Variants in CLCN2 observed in about 807,000 individuals in gnomAD.
The protein encoded by CLCN2 is chloride channel protein 2.
A neutral mutation model predicts 108.3 loss-of-function variants in CLCN2; 72 were observed. The ratio of observed to expected loss-of-function variants is 0.66; its 90% confidence interval spans 0.55 to 0.81. CLCN2 has a LOEUF of 0.81. Ranked by LOEUF, CLCN2 falls within the 30% of genes least tolerant of loss-of-function variation. The pLI is 0.00. For synonymous variants in CLCN2, 471 were observed against 467.1 expected (o/e 1.01, Z -0.11); for missense variants, 1,048 against 1,205.2 (o/e 0.87, Z 1.93).
intron 13 of CLCN2, 44 bp from the exon 14 acceptor site, chr3:184,354,702 A>AGGGGGGGGGGG: frequency 1.1e-6 from 1 of 885,342 alleles, no homozygotes; most frequent in Non-Finnish European, 1.6e-6. Flanking sequence ...GTGGAGGGGG[A>AGGGGGGGGGGG]GGGCAGGGGG....
At chr3:184,357,753 C>A (rs1272749624) in intron 6 of CLCN2, 26 bp downstream of exon 6, 3 of 1,613,800 alleles carry the variant, frequency 1.9e-6, no homozygotes, top group South Asian at 2.2e-5. Context: ...GCCTCTGCCC[C>A]CTACTTGCCC....
rs372387452 is a variant in CLCN2 at position 184,353,122 on chromosome 3, G to T, written c.2054C>A (p.Pro685Gln). 3.3e-5 allele frequency: 54 copies of T among 1,614,190 alleles called. No individual in the cohort carries two copies. Among genetic ancestry groups the T allele is most frequent in the Middle Eastern group, 3.3e-4 (2 of 6,062 alleles). The change falls in exon 18 of 24, where the codon CCA becomes CAA. Residue 685 changes from proline to glutamine, a missense_variant. By Grantham distance (76) the Pro-to-Gln change is moderately conservative. Transcript: ENST00000265593. The stretch of plus-strand genomic sequence containing the variant: ...CTTGTGGGTCTCCCCCCGGGCTGCT[G>T]GGAAGGCTGAGTCTTCTGTGTTCAC... Reference protein sequence around the residue: ...FQVNTEDSAFPAARGETHKPL... With the variant: ...FQVNTEDSAFQAARGETHKPL...
At chr3:184,358,903 C>T (rs1560267488) in intron 2 of CLCN2, 72 bp downstream of exon 2, 2 of 1,613,040 alleles carry the variant, frequency 1.2e-6, no homozygotes, top group Admixed American at 3.3e-5. Context: ...TCTCCCCCAT[C>T]AGCAGCTCTA....
intron 16 of CLCN2, 102 bp from the exon 17 acceptor site, chr3:184,353,524 CCA>C: frequency 6.5e-7 from 1 of 1,544,204 alleles, no homozygotes. Flanking sequence ...AGGCCACACA[CCA>C]GAGGGAAGCC....
chr3:184,352,797 C>T lies in CLCN2; in HGVS notation c.2157G>A (p.Ser719=), dbSNP rs201410118. The T allele has an allele frequency of 9.4e-5, 152 of 1,613,104 alleles. No homozygotes were observed. Among genetic ancestry groups the T allele is most frequent in the Non-Finnish European group, 1.1e-4 (132 of 1,180,008 alleles). The change falls in exon 19 of 24, where the codon TCG becomes TCA. Residue 719 remains serine, a synonymous_variant. Transcript: ENST00000265593. ...AGAGGCTCCGGAGGGCGATGCCTGCCGACTCTGCGCTCCCTGTGTTCCCAA... is the reference window on the plus strand; with the variant it reads ...AGAGGCTCCGGAGGGCGATGCCTGCTGACTCTGCGCTCCCTGTGTTCCCAA... ...LGESPTGSAE[S]AGIALRSLFC... is the part of the protein sequence containing the mutation.
In CLCN2 at chr3:184,346,925, A is replaced by T. The variant is rs1727717872; in HGVS notation, c.2502+10T>A. 1 of 1,613,318 alleles carries T rather than the reference A, an allele frequency of 6.2e-7. No homozygotes were observed. Among genetic ancestry groups the T allele is most frequent in the Non-Finnish European group, 8.5e-7 (1 of 1,179,218 alleles). On this transcript the variant is annotated intron_variant, in intron 23 of 23. Coordinates refer to ENST00000265593, the MANE Select transcript of CLCN2 (RefSeq NM_004366.6). The surrounding 1 kb of genome is among the most constrained non-coding windows in gnomAD (Gnocchi z 6.0). ...AAGTGGAGCAGCTTTGGAGGCCACCATCACCTCACCTCCTTTAGAGTAACG... is the reference window on the plus strand; with the variant it reads ...AAGTGGAGCAGCTTTGGAGGCCACCTTCACCTCACCTCCTTTAGAGTAACG...
intron 22 of CLCN2, among the ~76,000 whole-genome samples, 189 bp downstream of exon 22, chr3:184,351,824 C>T (rs1178422209): frequency 6.6e-6 from 1 of 152,156 alleles, no homozygotes; most frequent in African/African-American, 2.4e-5. Context: ...GGCTCCACCA[C>T]AGAGCAGGAG....
At chr3:184,354,077 C>A (rs201085080) in intron 15 of CLCN2, 24 bp downstream of exon 15, 2 of 1,607,990 alleles carry the variant, frequency 1.2e-6, no homozygotes, top group East Asian at 4.5e-5. Context: ...ACCCACAGCC[C>A]CCTTGGCACC....
At chr3:184,351,991 T>C in intron 22 of CLCN2, 22 bp downstream of exon 22, 1 of 1,566,694 alleles carries the variant, frequency 6.4e-7, no homozygotes, top group Non-Finnish European at 8.8e-7. Flanking sequence ...AGACCAGCCC[T>C]GGGCCAGGCT....
At chr3:184,349,141 A>G (rs895222258) in intron 22 of CLCN2, 2 of 152,050 alleles carry the variant, frequency 1.3e-5, no homozygotes, top group African/African-American at 4.8e-5. Flanking sequence ...CATTTCTTCC[A>G]CACTTCAGCT....
rs995236034 is a variant in CLCN2 at position 184,346,444 on chromosome 3, G to C, written c.*162C>G. ...AGGTGGGTAGTGGGTCAGATTCCAG[G>C]TAGGATGAACTGGGAGAAGCTGGCA... On this transcript the variant is annotated 3_prime_UTR_variant, in exon 24 of 24. Coordinates refer to ENST00000265593, the MANE Select transcript of CLCN2 (RefSeq NM_004366.6). The surrounding 1 kb of genome is among the most constrained non-coding windows in gnomAD (Gnocchi z 6.0). 1 of 775,626 alleles carries C rather than the reference G, an allele frequency of 1.3e-6. No homozygotes were observed. The highest frequency in any genetic ancestry group is 2.7e-5 in the East Asian group (1 of 37,040). 48.0% of individuals were successfully genotyped at this position (775,626 alleles called of 1,614,324 possible).
chr3:184,357,032 A>G lies in CLCN2; in HGVS notation c.1046T>C (p.Met349Thr). 6.2e-7 allele frequency: 1 copy of G among 1,613,802 alleles called. No individual in the cohort carries two copies. The highest frequency in any genetic ancestry group is 1.3e-5 in the African/African-American group (1 of 74,998). Reference sequence around the variant, plus strand: ...GCGATTGATGGTTTTCTGCTTCCGCATCACCTGGACAATCTTCCGGTTCAG... The same window carrying G: ...GCGATTGATGGTTTTCTGCTTCCGCGTCACCTGGACAATCTTCCGGTTCAG... ...VYLNRKIVQV[M>T]RKQKTINRFL... Residue 349 changes from methionine to threonine, a missense_variant, in exon 10 of 24, where the codon ATG becomes ACG. Coordinates refer to ENST00000265593, the MANE Select transcript of CLCN2 (RefSeq NM_004366.6).
At chr3:184,360,236 T>C (rs987758509) in intron 1 of CLCN2, among the ~76,000 whole-genome samples, 4 of 149,556 alleles carry the variant, frequency 2.7e-5, no homozygotes, top group African/African-American at 7.4e-5. Context: ...GACAAAGGGA[T>C]AGGATGGTGA....
chr3:184,353,717 C>T lies in CLCN2; in HGVS notation c.1800G>A (p.Leu600=). 1 of 1,610,350 alleles carries T rather than the reference C, an allele frequency of 6.2e-7. No individual in the cohort carries two copies. Among genetic ancestry groups the T allele is most frequent in the Non-Finnish European group, 8.5e-7 (1 of 1,178,770 alleles). The change falls in exon 16 of 24, where the codon CTG becomes CTA. Residue 600 remains leucine, a synonymous_variant. Coordinates refer to ENST00000265593, the MANE Select transcript of CLCN2 (RefSeq NM_004366.6). ...CCTTGGTCCTGTGCAGTGCCAAACG[C>T]AGGTCCCGGAAGGTGCAGCTGAGGG... The part of the protein sequence containing the change: ...HVALSCTFRD[L]RLALHRTKGR...
intron 7 of CLCN2, 57 bp from the exon 8 acceptor site, chr3:184,357,544 C>T: frequency 1.9e-6 from 3 of 1,614,032 alleles, no homozygotes; most frequent in South Asian, 2.2e-5. Context: ...AGGCCTCAGA[C>T]CCAGATAAGA....
At chr3:184,347,878 G>T (rs762954954) in intron 22 of CLCN2, 6 of 152,228 alleles carry the variant, frequency 3.9e-5, no homozygotes, top group Non-Finnish European at 7.3e-5. Context: ...GAAATTGTCA[G>T]CCAGTTCTCC....
chr3:184,355,311 C>T lies in CLCN2; in HGVS notation c.1326+63G>A, dbSNP rs747528805. 2.8e-5 allele frequency: 44 copies of T among 1,544,390 alleles called. No homozygotes were observed. The Admixed American group carries it at 5.2e-4, about 18-fold the overall frequency. On this transcript the variant is annotated intron_variant, in intron 12 of 23. Transcript: ENST00000265593. This position sits in a 1 kb window ranked among gnomAD's most constrained non-coding sequence, Gnocchi z 6.3. ...GAGAGGCTTCGAGGAGTGAGCACTG[C>T]GTGGCAGGTGCTTAGAAGGGCAAGC...
intron 10 of CLCN2, chr3:184,356,150 C>T: frequency 3.0e-6 from 1 of 336,210 alleles, no homozygotes; most frequent in South Asian, 2.5e-5. Flanking sequence ...CTCTTTGTCT[C>T]TCTGCAGTGA....
intron 8 of CLCN2, 36 bp from the exon 9 acceptor site, chr3:184,357,302 C>T (rs749777187): frequency 1.9e-6 from 3 of 1,613,988 alleles, no homozygotes; most frequent in Non-Finnish European, 2.5e-6. Flanking sequence ...GCAGGCCTAG[C>T]CTCGTGGGCC....
Sources: gnomAD v4.1 joint callset for allele counts (sites outside exome capture counted in the v4.1 genomes callset) on GRCh38, gnomAD v4.1.1 for gene constraint, Gnocchi (gnomAD v3.1) non-coding constraint, MANE v1.5 for transcripts, NCBI Gene and HGNC (gene_info 2026-07-23, HGNC 2026-07-21) for gene names.